UGT2A2: variants seen among roughly 807,000 people sequenced by gnomAD.
UGT2A2 encodes the protein UDP glucuronosyltransferase family 2 member A2.
Under a neutral mutation model 50.7 loss-of-function variants are expected in UGT2A2, and 60 were observed. That is an observed-to-expected ratio of 1.18 (90% CI 0.96 to 1.47). The LOEUF (loss-of-function observed/expected upper bound fraction) is 1.47. Ranked by LOEUF, UGT2A2 falls within the 40% of genes most tolerant of loss-of-function variation. UGT2A2 has a pLI of 0.00. For synonymous variants in UGT2A2, 242 were observed against 214.6 expected (o/e 1.13, Z -1.11); for missense variants, 762 against 634.0 (o/e 1.20, Z -2.17).
intron 1 of UGT2A2, chr4:69,635,574 A>G (rs965833389): frequency 5.9e-6 from 1 of 169,378 alleles, no homozygotes; most frequent in African/African-American, 2.4e-5. Context: ...TCAAGCCTGT[A>G]ATCCCAGCAA....
chr4:69,610,135 T>C (rs544446426), intron 1 of UGT2A2, among the ~76,000 whole-genome samples: 3 of 152,132 alleles, frequency 2.0e-5, no homozygotes, highest in Non-Finnish European at 2.9e-5. Context: ...GTTGATATAG[T>C]TTCTAAAAGT....
chr4:69,627,431 G>C (rs1212073153), intron 1 of UGT2A2, among the ~76,000 whole-genome samples: 2 of 150,586 alleles, frequency 1.3e-5, no homozygotes, highest in Admixed American at 6.7e-5. Flanking sequence ...TTCCAAATAA[G>C]AAATATTTTT....
chr4:69,607,124 CA>C (rs1719677256), intron 1 of UGT2A2, among the ~76,000 whole-genome samples: 1 of 108,598 alleles, frequency 9.2e-6, no homozygotes, highest in Non-Finnish European at 2.2e-5. Flanking sequence ...AATCCTAAGC[CA>C]AAAGAACAAA....
intron 4 of UGT2A2, 58 bp downstream of exon 4, chr4:69,595,104 C>CAGCAATAGACA: frequency 6.3e-7 from 1 of 1,585,998 alleles, no homozygotes; most frequent in Admixed American, 1.7e-5. Flanking sequence ...TGCTATTAAA[C>CAGCAATAGACA]AGTTACTTAA....
At chr4:69,598,505 A>C (rs1719066451) in intron 2 of UGT2A2, among the ~76,000 whole-genome samples, 1 of 152,110 alleles carries the variant, frequency 6.6e-6, no homozygotes, top group Admixed American at 6.6e-5. Context: ...CTGACACTAT[A>C]TTTATAAAGA....
At chr4:69,590,511 G>C (rs1436329101) in intron 5 of UGT2A2, among the ~76,000 whole-genome samples, 2 of 152,102 alleles carry the variant, frequency 1.3e-5, no homozygotes, top group East Asian at 1.9e-4. Context: ...GAAGGTAAAT[G>C]GTTTGTGCAG....
intron 1 of UGT2A2, among the ~76,000 whole-genome samples, chr4:69,627,331 C>A (rs1462997195): frequency 6.6e-6 from 1 of 151,778 alleles, no homozygotes; most frequent in Non-Finnish European, 1.5e-5. Context: ...AGTCTCTTAA[C>A]AGCATTAAAA....
Position 69,604,653 on chromosome 4 carries a change from A to G in UGT2A2, c.743-5259T>C, listed in dbSNP as rs769529584. ...ATTGGATAAAGAGCCAAGACCCATC[A>G]GTGTGCTGTATTCAGGAAACCCATC... On this transcript the variant is annotated intron_variant, in intron 1 of 5. Transcript: ENST00000604629. Among the ~76,000 whole-genome samples the G allele has an allele frequency of 2.9e-5, 4 of 136,994 alleles. 1 individual carries two copies. Among genetic ancestry groups the G allele is most frequent in the Non-Finnish European group, 6.2e-5 (4 of 64,364 alleles). The allele number at this position is 136,994 out of a possible 152,430, so 89.9% of individuals were successfully genotyped here. A position where few individuals can be genotyped will look rare whatever the true frequency, so the allele number is the denominator to read the frequency against.
At chr4:69,603,558 C>G (rs11733907) in intron 1 of UGT2A2, 25,140 of 136,300 alleles carry the variant, frequency 0.18, 6,135 homozygotes, top group Non-Finnish European at 0.22. Context: ...CAGAACAAAA[C>G]TGGACGGAGA....
intron 1 of UGT2A2, among the ~76,000 whole-genome samples, chr4:69,629,123 T>C (rs6832424): frequency 0.36 from 54,105 of 151,682 alleles, 10,019 homozygotes; most frequent in African/African-American, 0.45. Context: ...TTTAACCACC[T>C]TCACTTGAAT....
intron 1 of UGT2A2, among the ~76,000 whole-genome samples, chr4:69,621,768 C>G (rs979487704): frequency 6.6e-6 from 1 of 151,850 alleles, no homozygotes; most frequent in Non-Finnish European, 1.5e-5. Flanking sequence ...CTATCAACGA[C>G]AGATTGGATA....
At chr4:69,632,837 G>A (rs184129183) in intron 1 of UGT2A2, among the ~76,000 whole-genome samples, 136 of 150,596 alleles carry the variant, frequency 9.0e-4, no homozygotes, top group African/African-American at 3.2e-3. Flanking sequence ...GCAGTGAGCC[G>A]AGATTGCGCC....
At chr4:69,634,553 G>C (rs183779875) in intron 1 of UGT2A2, among the ~76,000 whole-genome samples, 130 of 152,096 alleles carry the variant, frequency 8.5e-4, no homozygotes, top group African/African-American at 2.9e-3. Context: ...GGAAGGTTAA[G>C]AGGCTGTTTT....
chr4:69,637,584 A>T (rs1007368609), intron 1 of UGT2A2, among the ~76,000 whole-genome samples: 1 of 152,062 alleles, frequency 6.6e-6, no homozygotes, highest in Non-Finnish European at 1.5e-5. Flanking sequence ...GCCTGATGTC[A>T]TTCTTTCATT....
chr4:69,631,008 C>T (rs1165687575), intron 1 of UGT2A2, among the ~76,000 whole-genome samples: 2 of 152,092 alleles, frequency 1.3e-5, no homozygotes, highest in African/African-American at 4.8e-5. Flanking sequence ...TAGGATGTCC[C>T]AGCTCTCTAG....
At chr4:69,593,714 A>G (rs931364347) in intron 5 of UGT2A2, among the ~76,000 whole-genome samples, 5 of 151,776 alleles carry the variant, frequency 3.3e-5, no homozygotes, top group African/African-American at 1.2e-4. Context: ...CCACTACCCT[A>G]TATCTTTTCT....
At chr4:69,616,835 T>TTTTC (rs1720429287) in intron 1 of UGT2A2, among the ~76,000 whole-genome samples, 1 of 67,032 alleles carries the variant, frequency 1.5e-5, no homozygotes. Flanking sequence ...TTTCTTTTCT[T>TTTTC]TTTTTTTTTT....
At chr4:69,622,656 G>A (rs1560484178) in intron 1 of UGT2A2, among the ~76,000 whole-genome samples, 1 of 151,688 alleles carries the variant, frequency 6.6e-6, no homozygotes, top group Non-Finnish European at 1.5e-5. Flanking sequence ...GCTCAAAGGT[G>A]AGGGGGGCAT....
At chr4:69,632,420 T>A (rs1303465472) in intron 1 of UGT2A2, among the ~76,000 whole-genome samples, 1 of 152,146 alleles carries the variant, frequency 6.6e-6, no homozygotes, top group Non-Finnish European at 1.5e-5. Context: ...ATGATGCCAG[T>A]ACACCCACGT....
Sources: allele counts gnomAD v4.1 joint callset (sites outside exome capture counted in the v4.1 genomes callset), GRCh38; gene constraint gnomAD v4.1.1; transcripts MANE v1.5; gene names NCBI Gene and HGNC (gene_info 2026-07-23, HGNC 2026-07-21).